Variants in PTPRN2 observed in about 807,000 individuals in gnomAD.
PTPRN2 encodes receptor-type tyrosine-protein phosphatase N2.
PTPRN2 carries 74 observed loss-of-function variants against 118.8 expected under a neutral mutation model. The observed-to-expected ratio is 0.62, with a 90% CI of 0.52 to 0.76. The LOEUF (loss-of-function observed/expected upper bound fraction) is 0.76. PTPRN2 is among the 30% of genes least tolerant of loss of function. PTPRN2 has a pLI of 0.00. For missense variants in PTPRN2, 1,481 were observed against 1,394.4 expected (o/e 1.06, Z -0.99); for synonymous variants, 641 against 608.0 (o/e 1.05, Z -0.80).
chr7:158,267,233 G>T (rs1044348694), intron 3 of PTPRN2, among the ~76,000 whole-genome samples: 1 of 152,244 alleles, frequency 6.6e-6, no homozygotes, highest in South Asian at 2.1e-4. Context: ...TAGCCGAGCA[G>T]CGAGGCACTG....
At chr7:157,655,785 G>A (rs1806036046) in intron 14 of PTPRN2, among the ~76,000 whole-genome samples, 1 of 152,160 alleles carries the variant, frequency 6.6e-6, no homozygotes, top group Admixed American at 6.5e-5. Context: ...TGTATGGAGT[G>A]GCAATGCACG....
chr7:158,531,300 G>A (rs73180244), intron 1 of PTPRN2, among the ~76,000 whole-genome samples: 189 of 152,268 alleles, frequency 1.2e-3, no homozygotes, highest in Admixed American at 2.8e-3. Flanking sequence ...TCCAGGGAAG[G>A]GAAGCCAAGG....
chr7:158,527,092 C>T (rs1259004352), intron 1 of PTPRN2, among the ~76,000 whole-genome samples: 2 of 152,204 alleles, frequency 1.3e-5, no homozygotes, highest in Admixed American at 6.5e-5. Flanking sequence ...ACAAGCCAAC[C>T]TGGCTCAGGC....
intron 3 of PTPRN2, among the ~76,000 whole-genome samples, chr7:158,271,269 G>C (rs1798499786): frequency 6.6e-6 from 1 of 152,172 alleles, no homozygotes; most frequent in African/African-American, 2.4e-5. Flanking sequence ...CCAGTCACTG[G>C]AATTCTTGGA....
intron 1 of PTPRN2, among the ~76,000 whole-genome samples, chr7:158,579,986 T>G (rs986762630): frequency 2.0e-5 from 3 of 152,216 alleles, no homozygotes; most frequent in African/African-American, 7.2e-5. Flanking sequence ...GTCTCAACCT[T>G]GGCCTGTTTT....
chr7:157,576,469 C>T lies in PTPRN2; in HGVS notation c.2783+144G>A. The T allele has an allele frequency of 8.3e-6, 7 of 846,942 alleles. No homozygotes were observed. The South Asian group carries it at 1.4e-4, about 16-fold the overall frequency. The allele number at this position is 846,942 out of a possible 1,614,324, so 52.5% of individuals were successfully genotyped here. ...CGTGCCGTTAACGGAGTCTTCCCGCCTCTCGCTTCCCTTCCCCTCCCCCCT... is the reference window on the plus strand; with the variant it reads ...CGTGCCGTTAACGGAGTCTTCCCGCTTCTCGCTTCCCTTCCCCTCCCCCCT... On this transcript the variant is annotated intron_variant, in intron 19 of 22. Transcript: ENST00000389418.
intron 11 of PTPRN2, among the ~76,000 whole-genome samples, chr7:158,008,393 C>T (rs1028891195): frequency 2.0e-5 from 3 of 152,166 alleles, no homozygotes; most frequent in East Asian, 1.9e-4. Context: ...CAGAGAAGGC[C>T]GCGGGGGCTC....
Position 158,311,819 on chromosome 7 carries a change from A to G in PTPRN2, c.277+5000T>C, listed in dbSNP as rs115057994. On this transcript the variant is annotated intron_variant, in intron 3 of 22. Coordinates refer to ENST00000389418, the MANE Select transcript of PTPRN2 (RefSeq NM_002847.5). ...CATATGAACATGCTCACGTGTAGAC[A>G]CCCACACACATGCACACACACCTGC... Among the ~76,000 whole-genome samples, 1,470 of 152,176 alleles carry G rather than the reference A, an allele frequency of 9.7e-3. 27 individuals carry two copies. Among genetic ancestry groups the G allele is most frequent in the African/African-American group, 0.034 (1,400 of 41,480 alleles).
At chr7:158,473,813 G>T (rs1199922856) in intron 2 of PTPRN2, among the ~76,000 whole-genome samples, 2 of 152,140 alleles carry the variant, frequency 1.3e-5, no homozygotes, top group Non-Finnish European at 2.9e-5. Flanking sequence ...AAAAAGGTTG[G>T]CTATAAATAG....
intron 3 of PTPRN2, among the ~76,000 whole-genome samples, chr7:158,261,354 A>C (rs962927656): frequency 1.3e-5 from 2 of 152,128 alleles, no homozygotes; most frequent in Non-Finnish European, 2.9e-5. Context: ...CTGGGAAATA[A>C]TAAAGCACAC....
chr7:157,984,266 CA>C, intron 11 of PTPRN2, among the ~76,000 whole-genome samples: 1 of 52,504 alleles, frequency 1.9e-5, no homozygotes, highest in African/African-American at 6.6e-5. Flanking sequence ...CGCCAGGCTC[CA>C]CCCCCCACGC....
rs141977848 is a variant in PTPRN2 at position 158,246,392 on chromosome 7, G to A, written c.278-41119C>T. ...GCTTAAAGATTTGGAGTCGAGACGC[G>A]TCTCTCTACCAAGAAGGAAGAAGAC... On this transcript the variant is annotated intron_variant, in intron 3 of 22. Coordinates refer to ENST00000389418, the MANE Select transcript of PTPRN2 (RefSeq NM_002847.5). 2.0e-3 allele frequency among the ~76,000 whole-genome samples: 296 copies of A among 151,392 alleles called. 3 individuals carry two copies. Among genetic ancestry groups the A allele is most frequent in the African/African-American group, 5.9e-3 (242 of 41,120 alleles).
chr7:158,332,647 A>G (rs1192657270), intron 2 of PTPRN2, among the ~76,000 whole-genome samples: 1 of 149,568 alleles, frequency 6.7e-6, no homozygotes, highest in African/African-American at 2.5e-5. Context: ...TGTCACCATA[A>G]GAGCTGATGC....
At position 158,133,831 on chromosome 7, in the gene PTPRN2, C is replaced by T. The variant is rs151334443; in HGVS notation, c.1402G>A (p.Ala468Thr). 4.0e-5 allele frequency: 65 copies of T among 1,613,958 alleles called. No homozygotes were observed. In the African/African-American group the frequency reaches 4.5e-4, roughly 11 times the overall value. The change falls in exon 9 of 23, where the codon GCT becomes ACT. Residue 468 changes from alanine (A) to threonine (T), a missense_variant. Transcript: ENST00000389418. ...TGGTTTTGGAGCTCCCCAAACGCAG[C>T]GGCCCCGGGCTCCGAATGCGGCTGC... Reference protein sequence around the residue: ...GQQPHSEPGAAAFGELQNQMP... With the variant: ...GQQPHSEPGATAFGELQNQMP...
chr7:158,279,897 C>T (rs1219665685), intron 3 of PTPRN2, among the ~76,000 whole-genome samples: 1 of 152,122 alleles, frequency 6.6e-6, no homozygotes, highest in Non-Finnish European at 1.5e-5. Flanking sequence ...TCAATGTGGA[C>T]TTGACCCCAC....
chr7:158,219,681 C>T (rs986519089), intron 3 of PTPRN2, among the ~76,000 whole-genome samples: 2 of 151,638 alleles, frequency 1.3e-5, no homozygotes, highest in Non-Finnish European at 2.9e-5. Context: ...AAATAGAAGA[C>T]CTAAATAAGC....
intron 2 of PTPRN2, among the ~76,000 whole-genome samples, chr7:158,325,775 G>A (rs1299504347): frequency 6.6e-6 from 1 of 152,098 alleles, no homozygotes; most frequent in Non-Finnish European, 1.5e-5. Flanking sequence ...ACGTTCCAGG[G>A]CTGGGCAGGG....
At chr7:158,535,029 C>A (rs1347026444) in intron 1 of PTPRN2, among the ~76,000 whole-genome samples, 2 of 152,220 alleles carry the variant, frequency 1.3e-5, no homozygotes, top group Admixed American at 6.5e-5. Flanking sequence ...TAGAGACCAG[C>A]CACCTCCAAA....
intron 2 of PTPRN2, among the ~76,000 whole-genome samples, chr7:158,440,929 GTGA>G (rs1168902266): frequency 1.4e-5 from 2 of 146,220 alleles, no homozygotes; most frequent in Admixed American, 6.7e-5. Context: ...AGTGATAGTG[GTGA>G]TGGTGGTGGT....
Sources: gnomAD v4.1 joint callset for allele counts (sites outside exome capture counted in the v4.1 genomes callset) on GRCh38, gnomAD v4.1.1 for gene constraint, MANE v1.5 for transcripts, NCBI Gene and HGNC (gene_info 2026-07-23, HGNC 2026-07-21) for gene names.